KAZN: variants seen among roughly 807,000 people sequenced by gnomAD.
KAZN encodes kazrin, periplakin interacting protein, also known as kazrin.
KAZN carries 40 observed loss-of-function variants against 87.4 expected under a neutral mutation model. The observed-to-expected ratio is 0.46, with a 90% CI of 0.36 to 0.60. KAZN has a LOEUF of 0.60. KAZN is among the 20% of genes least tolerant of loss of function. KAZN has a pLI of 0.00. For missense variants in KAZN, 898 were observed against 1,073.9 expected (o/e 0.84, Z 2.29); for synonymous variants, 466 against 458.3 (o/e 1.02, Z -0.22).
intron 1 of KAZN, among the ~76,000 whole-genome samples, chr1:14,725,586 G>A (rs1205203529): frequency 6.6e-6 from 1 of 151,696 alleles, no homozygotes; most frequent in Non-Finnish European, 1.5e-5. Context: ...TGTTATCACT[G>A]TTCCCCTTTT....
At position 13,965,885 on chromosome 1, in the gene KAZN, G is replaced by A. The variant is rs569068752; in HGVS notation, c.91+72129G>A. On this transcript the variant is annotated intron_variant, in intron 1 of 16. Coordinates refer to the KAZN transcript ENST00000636203. ...AGGAAGCTCTCATGAGCCCTCCAGA[G>A]TTCATGATTCCAGCTGGTTTCCTGC... 2.0e-5 allele frequency among the ~76,000 whole-genome samples: 3 copies of A among 152,276 alleles called. No individual in the cohort carries two copies. In the East Asian group the frequency reaches 5.8e-4, roughly 29 times the overall value.
At chr1:14,610,606 A>C (rs1404279652) in intron 1 of KAZN, among the ~76,000 whole-genome samples, 1 of 152,142 alleles carries the variant, frequency 6.6e-6, no homozygotes, top group Non-Finnish European at 1.5e-5. Flanking sequence ...TCTGTAAACA[A>C]GGTCAGGAAT....
chr1:14,553,523 G>A (rs189757744), intron 2 of KAZN, among the ~76,000 whole-genome samples: 225 of 152,322 alleles, frequency 1.5e-3, no homozygotes, highest in Admixed American at 0.011. Flanking sequence ...ACTCTCTGAA[G>A]GAGAGGGCGC....
chr1:14,083,710 C>T (rs1316915196), intron 1 of KAZN, among the ~76,000 whole-genome samples: 1 of 152,174 alleles, frequency 6.6e-6, no homozygotes, highest in Admixed American at 6.5e-5. Context: ...TCATTAATTT[C>T]AAAGACTTTC....
chr1:14,444,508 C>T (rs920829401), intron 2 of KAZN, among the ~76,000 whole-genome samples: 5 of 152,138 alleles, frequency 3.3e-5, no homozygotes, highest in Admixed American at 3.3e-4. Flanking sequence ...GATGGGGTTT[C>T]TCCATGTTGG....
At chr1:14,076,900 C>G (rs1643481111) in intron 1 of KAZN, among the ~76,000 whole-genome samples, 1 of 152,180 alleles carries the variant, frequency 6.6e-6, no homozygotes, top group African/African-American at 2.4e-5. Context: ...GAGCGTGGAA[C>G]TAAAGATGCA....
intron 1 of KAZN, among the ~76,000 whole-genome samples, chr1:14,941,769 T>G (rs1296972724): frequency 1.3e-5 from 2 of 152,222 alleles, no homozygotes; most frequent in African/African-American, 4.8e-5. Flanking sequence ...GCCCATGGTC[T>G]TTGCTGAAAT....
At chr1:14,095,989 A>C (rs181581132) in intron 1 of KAZN, among the ~76,000 whole-genome samples, 2 of 152,320 alleles carry the variant, frequency 1.3e-5, no homozygotes, top group Admixed American at 1.3e-4. Context: ...GAAAGGATGC[A>C]TATCAATCTG....
At chr1:13,932,535 C>T (rs886822688) in intron 1 of KAZN, among the ~76,000 whole-genome samples, 8 of 152,338 alleles carry the variant, frequency 5.3e-5, no homozygotes, top group Admixed American at 2.6e-4. Context: ...GCTGGGATTA[C>T]AGGCGTGAGC....
In KAZN at chr1:14,341,633, C is replaced by T. The variant is rs151335983; in HGVS notation, c.249+161041C>T. The stretch of plus-strand genomic sequence containing the variant: ...TCCCTCAGTCATCCACATGGCTGAC[C>T]CCTCACTTCCTTCAGCTTTTATTCA... On this transcript the variant is annotated intron_variant, in intron 2 of 16. Transcript: ENST00000636203. Among the ~76,000 whole-genome samples the T allele has an allele frequency of 2.5e-3, 382 of 152,142 alleles. 3 individuals carry two copies. The highest frequency in any genetic ancestry group is 8.3e-3 in the African/African-American group (344 of 41,480).
At chr1:15,065,801 G>C (rs367563649) in intron 8 of KAZN, 48 bp downstream of exon 8, 2 of 1,598,096 alleles carry the variant, frequency 1.3e-6, no homozygotes, top group East Asian at 2.2e-5. Context: ...CTGGTGATAC[G>C]CGCTCCCCTG....
At chr1:14,281,753 AGAAAT>A (rs1416222174) in intron 2 of KAZN, among the ~76,000 whole-genome samples, 1 of 152,242 alleles carries the variant, frequency 6.6e-6, no homozygotes, top group Admixed American at 6.5e-5. Flanking sequence ...TAGAGAATAA[AGAAAT>A]GAACAACAGA....
intron 1 of KAZN, among the ~76,000 whole-genome samples, chr1:14,097,337 G>A (rs1644151092): frequency 6.6e-6 from 1 of 152,208 alleles, no homozygotes; most frequent in Admixed American, 6.5e-5. Flanking sequence ...CATGCTCCCT[G>A]TAGCCTAAAG....
chr1:14,631,753 A>C (rs1679582294), intron 1 of KAZN, among the ~76,000 whole-genome samples: 1 of 152,236 alleles, frequency 6.6e-6, no homozygotes, highest in Admixed American at 6.5e-5. Flanking sequence ...GAAGTGATGA[A>C]CATCCCCAGG....
At chr1:14,491,047 C>A (rs760170449) in intron 2 of KAZN, among the ~76,000 whole-genome samples, 1 of 152,234 alleles carries the variant, frequency 6.6e-6, no homozygotes, top group Non-Finnish European at 1.5e-5. Flanking sequence ...AATGTTTATA[C>A]ATTTGTTCAC....
intron 1 of KAZN, among the ~76,000 whole-genome samples, chr1:14,797,345 G>T (rs529604951): frequency 1.3e-5 from 2 of 152,160 alleles, no homozygotes; most frequent in Non-Finnish European, 2.9e-5. Context: ...ACAGGCATGA[G>T]CCACCATCCC....
At chr1:14,419,247 T>C (rs973726744) in intron 2 of KAZN, among the ~76,000 whole-genome samples, 4 of 152,314 alleles carry the variant, frequency 2.6e-5, no homozygotes, top group African/African-American at 7.2e-5. Flanking sequence ...GTAAGTAAAC[T>C]GAAGCCCAGA....
intron 1 of KAZN, among the ~76,000 whole-genome samples, chr1:14,736,252 A>AGG (rs201012600): frequency 0.085 from 9,585 of 112,762 alleles, 386 homozygotes; most frequent in Non-Finnish European, 0.1. Context: ...GTGGGACTCA[A>AGG]GGGTGTGTGT....
intron 1 of KAZN, among the ~76,000 whole-genome samples, chr1:14,009,404 G>A (rs947898621): frequency 7.9e-5 from 12 of 152,194 alleles, no homozygotes; most frequent in East Asian, 3.9e-4. Context: ...CATAGTGGCC[G>A]TACCATTTCA....
Sources: allele counts gnomAD v4.1 joint callset (sites outside exome capture counted in the v4.1 genomes callset), GRCh38; gene constraint gnomAD v4.1.1; transcripts MANE v1.5; gene names NCBI Gene and HGNC (gene_info 2026-07-23, HGNC 2026-07-21).